EPHA7: variants seen among roughly 807,000 people sequenced by gnomAD.
EPHA7 encodes the protein ephrin type-A receptor 7.
Under a neutral mutation model 112.6 loss-of-function variants are expected in EPHA7, and 25 were observed. The observed-to-expected ratio is 0.22, with a 90% confidence interval of 0.16 to 0.31. The LOEUF (loss-of-function observed/expected upper bound fraction) is 0.31. EPHA7 is among the 10% of genes least tolerant of loss of function. The pLI is 1.00. For synonymous variants in EPHA7, 437 were observed against 406.5 expected (o/e 1.07, Z -0.90); for missense variants, 962 against 1,212.6 (o/e 0.79, Z 3.07).
intron 5 of EPHA7, among the ~76,000 whole-genome samples, chr6:93,310,418 G>A (rs1773469960): frequency 6.6e-6 from 1 of 152,166 alleles, no homozygotes; most frequent in Admixed American, 6.5e-5. Flanking sequence ...TGTAATCCTA[G>A]CACTTTGGGA....
intron 3 of EPHA7, among the ~76,000 whole-genome samples, chr6:93,380,702 G>A (rs955353161): frequency 7.2e-5 from 11 of 152,068 alleles, no homozygotes; most frequent in African/African-American, 2.4e-4. Context: ...TATTCCAAGT[G>A]AGGTAACAGG....
At chr6:93,292,577 T>C (rs1048780470) in intron 5 of EPHA7, among the ~76,000 whole-genome samples, 4 of 152,122 alleles carry the variant, frequency 2.6e-5, no homozygotes, top group African/African-American at 9.7e-5. Flanking sequence ...GGAGTACTAC[T>C]GTATTAGGCT....
At chr6:93,311,746 G>A (rs1773553253) in intron 5 of EPHA7, among the ~76,000 whole-genome samples, 1 of 152,120 alleles carries the variant, frequency 6.6e-6, no homozygotes, top group African/African-American at 2.4e-5. Flanking sequence ...ACCTTGCCCA[G>A]ATCTATCAAA....
chr6:93,268,076 T>G (rs982421980), intron 7 of EPHA7, among the ~76,000 whole-genome samples: 1 of 151,652 alleles, frequency 6.6e-6, no homozygotes, highest in African/African-American at 2.4e-5. Context: ...TTAAAATGCT[T>G]TAATGTTTTG....
chr6:93,349,839 C>T (rs916611926), intron 5 of EPHA7, among the ~76,000 whole-genome samples: 7 of 151,742 alleles, frequency 4.6e-5, no homozygotes, highest in South Asian at 2.1e-4. Flanking sequence ...AGACGATCTA[C>T]GTTAATTTAT....
rs1169612537 is a variant in EPHA7, at chr6:93,241,202, AATTTT to A, written c.*2219_*2223del. The A allele has an allele frequency of 4.6e-6, 1 of 215,272 alleles. No individual in the cohort carries two copies. The highest frequency in any genetic ancestry group is 6.9e-5 in the East Asian group (1 of 14,502). 13.3% of individuals were successfully genotyped at this position (215,272 alleles called of 1,614,324 possible). A position where few individuals can be genotyped will look rare whatever the true frequency, so the allele number is the denominator to read the frequency against. ...TTTCTAGAATGGCTTTTGTTAATTT[AATTTT>A]AATAGAAAAAATAAGCACCTTAAGC... On this transcript the variant is annotated 3_prime_UTR_variant, in exon 17 of 17. Transcript: ENST00000369303.
In EPHA7 at chr6:93,411,108, TTGGC is replaced by T; in HGVS notation, c.221_224del (p.Cys74Ter). 1 of 1,613,788 alleles carries T rather than the reference TTGGC, an allele frequency of 6.2e-7. No homozygotes were observed. Among genetic ancestry groups the T allele is most frequent in the Non-Finnish European group, 8.5e-7 (1 of 1,179,914 alleles). ...AGTTGTTTTGGTTGGGCTCCATGACTTGGCACACCTGGTATGTTCGTATCGGGGT... is the reference window on the plus strand; with the variant it reads ...AGTTGTTTTGGTTGGGCTCCATGACTACACCTGGTATGTTCGTATCGGGGT... On this transcript the variant is annotated frameshift_variant, in exon 3 of 17. Transcript: ENST00000369303. LOFTEE classifies it high-confidence loss of function.
At chr6:93,275,017 G>A (rs976716438) in intron 5 of EPHA7, among the ~76,000 whole-genome samples, 2 of 151,788 alleles carry the variant, frequency 1.3e-5, no homozygotes, top group South Asian at 4.2e-4. Context: ...CTAAATTAAC[G>A]TTATTGTAAC....
chr6:93,311,114 A>ATTTTTTTTT (rs71542009), intron 5 of EPHA7, among the ~76,000 whole-genome samples: 7,092 of 78,176 alleles, frequency 0.091, 1,046 homozygotes, highest in Non-Finnish European at 0.12. Flanking sequence ...ATGCCCAGCT[A>ATTTTTTTTT]TTTTTTTTTT....
At chr6:93,285,422 G>A (rs1772012616) in intron 5 of EPHA7, among the ~76,000 whole-genome samples, 1 of 152,120 alleles carries the variant, frequency 6.6e-6, no homozygotes, top group African/African-American at 2.4e-5. Context: ...TTTGTAATTT[G>A]GAGTTAACAC....
intron 3 of EPHA7, among the ~76,000 whole-genome samples, chr6:93,386,503 A>G (rs1484755573): frequency 6.6e-6 from 1 of 152,144 alleles, no homozygotes; most frequent in African/African-American, 2.4e-5. Flanking sequence ...TGAGCTAGCA[A>G]TGAGTGCCTG....
At chr6:93,332,470 A>G (rs940257372) in intron 5 of EPHA7, among the ~76,000 whole-genome samples, 1 of 151,614 alleles carries the variant, frequency 6.6e-6, no homozygotes, top group African/African-American at 2.4e-5. Flanking sequence ...TACAAATTCC[A>G]TCTCTCTCTT....
At chr6:93,307,205 A>G (rs1773302463) in intron 5 of EPHA7, among the ~76,000 whole-genome samples, 1 of 151,954 alleles carries the variant, frequency 6.6e-6, no homozygotes, top group Admixed American at 6.6e-5. Context: ...TTTTTTTAGA[A>G]AATCAACCAA....
rs57274455 is a variant in EPHA7, at chr6:93,414,077, G to A, written c.162+626C>T. 2.9e-3 allele frequency among the ~76,000 whole-genome samples: 445 copies of A among 151,868 alleles called. 3 individuals are homozygous for A. Among genetic ancestry groups the A allele is most frequent in the African/African-American group, 0.01 (424 of 41,490 alleles). Reference sequence around the variant, plus strand: ...TTAAAGATTTACTAATATTTTGGTAGGTTATTACTGGACAATTTTCACTCA... The same window carrying A: ...TTAAAGATTTACTAATATTTTGGTAAGTTATTACTGGACAATTTTCACTCA... On this transcript the variant is annotated intron_variant, in intron 2 of 16. Coordinates refer to ENST00000369303, the MANE Select transcript of EPHA7 (RefSeq NM_004440.4).
chr6:93,350,992 T>C (rs1463275738), intron 5 of EPHA7, among the ~76,000 whole-genome samples: 2 of 152,070 alleles, frequency 1.3e-5, no homozygotes, highest in African/African-American at 2.4e-5. Context: ...GCCACTCTTA[T>C]TCTTTTGCAT....
chr6:93,298,265 T>G (rs1007514259), intron 5 of EPHA7, among the ~76,000 whole-genome samples: 5 of 152,156 alleles, frequency 3.3e-5, no homozygotes, highest in African/African-American at 9.7e-5. Flanking sequence ...CAGAAATACC[T>G]TCACATTGTA....
At chr6:93,357,143 A>G in intron 4 of EPHA7, 91 bp from the exon 5 acceptor site, 1 of 964,088 alleles carries the variant, frequency 1.0e-6, no homozygotes, top group South Asian at 1.8e-5. Flanking sequence ...GTGGGGCATT[A>G]AGCTAGTGGC....
intron 5 of EPHA7, among the ~76,000 whole-genome samples, chr6:93,344,824 G>T (rs1442796149): frequency 1.3e-5 from 2 of 151,244 alleles, no homozygotes; most frequent in African/African-American, 4.8e-5. Flanking sequence ...ACCCCTCTTT[G>T]GTCTTTGTCA....
intron 7 of EPHA7, among the ~76,000 whole-genome samples, chr6:93,267,009 T>A (rs1334640833): frequency 6.6e-6 from 1 of 151,802 alleles, no homozygotes; most frequent in Non-Finnish European, 1.5e-5. Context: ...TTGACTTTTT[T>A]ACTCTCACTT....
Sources: allele counts gnomAD v4.1 joint callset (sites outside exome capture counted in the v4.1 genomes callset), GRCh38; gene constraint gnomAD v4.1.1; transcripts MANE v1.5; gene names NCBI Gene and HGNC (gene_info 2026-07-23, HGNC 2026-07-21).